SEC31B: variants seen among roughly 807,000 people sequenced by gnomAD.
The protein encoded by SEC31B is SEC31 homolog B, COPII component, also known as protein transport protein Sec31B.
A neutral mutation model predicts 135.0 loss-of-function variants in SEC31B; 113 were observed. That is an observed-to-expected ratio of 0.84 (90% confidence interval 0.72 to 0.98). SEC31B has a LOEUF of 0.98. Ranked by LOEUF, SEC31B falls within the 50% of genes least tolerant of loss-of-function variation. The pLI is 0.00. For synonymous variants in SEC31B, 508 were observed against 549.4 expected, an observed-to-expected ratio of 0.92 and a Z score of 1.05; for missense variants, 1,296 against 1,421.1, an observed-to-expected ratio of 0.91 and a Z score of 1.42.
intron 1 of SEC31B, among the ~76,000 whole-genome samples, chr10:100,518,004 CCAA>C (rs762138274): frequency 1.4e-3 from 210 of 152,280 alleles, no homozygotes; most frequent in Non-Finnish European, 2.5e-3. Context: ...CTGGAGTACT[CCAA>C]CAACCTCCCA....
At chr10:100,504,655 T>C (rs1239885900) in intron 10 of SEC31B, among the ~76,000 whole-genome samples, 3 of 152,146 alleles carry the variant, frequency 2.0e-5, no homozygotes, top group Non-Finnish European at 4.4e-5. Flanking sequence ...AACTTTAGTA[T>C]AGTTAGAATG....
At chr10:100,490,526 C>T (rs1851282526) in intron 20 of SEC31B, 180 bp downstream of exon 20, 1 of 863,484 alleles carries the variant, frequency 1.2e-6, no homozygotes, top group Non-Finnish European at 1.7e-6. Flanking sequence ...ATAAGCAACA[C>T]AACACTTTGG....
intron 14 of SEC31B, 162 bp from the exon 15 acceptor site, chr10:100,498,369 G>A (rs541883166): frequency 3.4e-5 from 25 of 735,302 alleles, no homozygotes; most frequent in Non-Finnish European, 5.2e-5. Flanking sequence ...ATGTATTTTG[G>A]TGCCCAGGTC....
intron 14 of SEC31B, 170 bp from the exon 15 acceptor site, chr10:100,498,377 G>T: frequency 1.4e-6 from 1 of 700,350 alleles, no homozygotes; most frequent in South Asian, 1.9e-5. Context: ...TGGTGCCCAG[G>T]TCTAAAGACA....
intron 17 of SEC31B, 70 bp downstream of exon 17, chr10:100,497,065 T>C (rs1199945318): frequency 6.3e-7 from 1 of 1,577,176 alleles, no homozygotes; most frequent in Non-Finnish European, 8.7e-7. Flanking sequence ...CTGCTAGCTC[T>C]GCACATCTCC....
Position 100,509,689 on chromosome 10 carries a change from T to C in SEC31B, c.204-178A>G, listed in dbSNP as rs374909450. 3.9e-5 allele frequency among the ~76,000 whole-genome samples: 6 copies of C among 152,114 alleles called. No homozygotes were observed. In the East Asian group the frequency reaches 9.6e-4, roughly 24 times the overall value. ...ATCCTCCGCCCAGTCCTGCCCTTTC[T>C]CTGAAAAAATGTTTCATCTACGTTA... On this transcript the variant is annotated intron_variant, in intron 3 of 25. Coordinates refer to ENST00000370345, the MANE Select transcript of SEC31B (RefSeq NM_015490.4).
In SEC31B at chr10:100,488,923, G is replaced by A. The variant is rs201490906; in HGVS notation, c.3223C>T (p.His1075Tyr). The A allele has an allele frequency of 3.1e-6, 5 of 1,611,760 alleles. No homozygotes were observed. The African/African-American group carries it at 4.0e-5, about 13-fold the overall frequency. Residue 1075 changes from histidine to tyrosine, a missense_variant, in exon 24 of 26, where the codon CAT (histidine) becomes TAT (tyrosine). By Grantham distance (83) the His-to-Tyr change is moderately conservative. Transcript: ENST00000370345. ...TCAAAGCTGCTCTTCAAGGACTGAT[G>A]CTCTGGGGGCAGCTCCTTCCTTTCC... is the stretch of plus-strand genomic sequence containing the variant. ...KMERKELPPE[H>Y]QSLKSSFEAL...
At chr10:100,499,950 A>G (rs1191481314) in intron 11 of SEC31B, among the ~76,000 whole-genome samples, 25 of 152,204 alleles carry the variant, frequency 1.6e-4, no homozygotes, top group Non-Finnish European at 4.4e-5. Flanking sequence ...ACCTAGAAAT[A>G]ATTAATGTGA....
Position 100,509,081 on chromosome 10 carries a change from C to G in SEC31B, c.421G>C (p.Ala141Pro). The G allele has an allele frequency of 6.2e-7, 1 of 1,614,070 alleles. No homozygotes were observed. Among genetic ancestry groups the G allele is most frequent in the Non-Finnish European group, 8.5e-7 (1 of 1,179,962 alleles). The change falls in exon 5 of 26, where the codon GCC becomes CCC. Residue 141 changes from alanine (A) to proline (P), a missense_variant. Coordinates refer to ENST00000370345, the MANE Select transcript of SEC31B (RefSeq NM_015490.4). ...CAAATGAAGATTTCAGAATCGCTGG[C>G]CCCTGAAGCCAGGAGGTTGCCCTGT... Reference protein sequence around the residue: ...PFQGNLLASGASDSEIFIWDL... With the variant: ...PFQGNLLASGPSDSEIFIWDL...
Position 100,508,066 on chromosome 10 carries a change from G to C in SEC31B, c.496-15C>G. 1.9e-6 allele frequency: 3 copies of C among 1,613,806 alleles called. No homozygotes were observed. The highest frequency in any genetic ancestry group is 2.5e-6 in the Non-Finnish European group (3 of 1,179,802). On this transcript the variant is annotated splice_polypyrimidine_tract_variant and intron_variant, in intron 5 of 25. Coordinates refer to ENST00000370345, the MANE Select transcript of SEC31B (RefSeq NM_015490.4). ...TCTGGAGGCTGCTAAGGCAGGATGG[G>C]GACAGAAAGATGACAACTTGTCACC...
chr10:100,489,758 G>A lies in SEC31B; in HGVS notation c.2969C>T (p.Pro990Leu). The A allele has an allele frequency of 6.2e-7, 1 of 1,614,092 alleles. No individual in the cohort carries two copies. Among genetic ancestry groups the A allele is most frequent in the Non-Finnish European group, 8.5e-7 (1 of 1,179,960 alleles). Residue 990 changes from proline to leucine, a missense_variant, in exon 22 of 26, where the codon CCT becomes CTT. By Grantham distance (98) the Pro-to-Leu change is moderately conservative (BLOSUM62 -3). Coordinates refer to ENST00000370345, the MANE Select transcript of SEC31B (RefSeq NM_015490.4). ...TGGGGCTTCTTTCCAGGAATCTTGAGGTCCTATAGAATAAAAAGATAGAGG... is the reference window on the plus strand; with the variant it reads ...TGGGGCTTCTTTCCAGGAATCTTGAAGTCCTATAGAATAAAAAGATAGAGG... ...TTGILTPHPG[P>L]QDSWKEAPAP...
chr10:100,499,779 C>G (rs757531540), intron 11 of SEC31B, among the ~76,000 whole-genome samples, 181 bp from the exon 12 acceptor site: 1 of 152,200 alleles, frequency 6.6e-6, no homozygotes, highest in African/African-American at 2.4e-5. Flanking sequence ...GATGGGCTAT[C>G]AGCAGTGTTA....
chr10:100,497,367 G>A, intron 16 of SEC31B, 87 bp from the exon 17 acceptor site: 4 of 1,570,656 alleles, frequency 2.5e-6, no homozygotes, highest in Non-Finnish European at 3.5e-6. Flanking sequence ...AGGACCATGA[G>A]CCTGGGACAA....
At position 100,489,778 on chromosome 10, in the gene SEC31B, T is replaced by C. The variant is rs1564647753; in HGVS notation, c.2966-17A>G. 1 of 1,613,706 alleles carries C rather than the reference T, an allele frequency of 6.2e-7. No homozygotes were observed. The stretch of plus-strand genomic sequence containing the variant: ...CTTGAGGTCCTATAGAATAAAAAGA[T>C]AGAGGTTTTTCGGCGCATAGTGAAA... On this transcript the variant is annotated splice_polypyrimidine_tract_variant and intron_variant, in intron 21 of 25. Transcript: ENST00000370345.
Position 100,507,997 on chromosome 10 carries a change from G to C in SEC31B, c.550C>G (p.Leu184Val), listed in dbSNP as rs764671612. ...LSWNRQAQHI[L>V]SSAHPSGKAV... The stretch of plus-strand genomic sequence containing the variant: ...TTGCCACTGGGGTGAGCAGAAGACA[G>C]AATGTGTTGGGCTTGCCGGTTCCAA... The change falls in exon 6 of 26, where the codon CTG becomes GTG. Residue 184 changes from leucine to valine, a missense_variant. Coordinates refer to ENST00000370345, the MANE Select transcript of SEC31B (RefSeq NM_015490.4). 50 of 1,614,238 alleles carry C rather than the reference G, an allele frequency of 3.1e-5. No individual in the cohort carries two copies. In the South Asian group the frequency reaches 5.1e-4, roughly 16 times the overall value.
At chr10:100,491,333 G>A (rs1370238459) in intron 19 of SEC31B, among the ~76,000 whole-genome samples, 1 of 152,160 alleles carries the variant, frequency 6.6e-6, no homozygotes, top group Non-Finnish European at 1.5e-5. Flanking sequence ...ACCAGTCAAA[G>A]AATTAATGCA....
intron 9 of SEC31B, 61 bp downstream of exon 9, chr10:100,505,979 C>T (rs1228010907): frequency 4.4e-6 from 7 of 1,606,092 alleles, no homozygotes; most frequent in Non-Finnish European, 6.0e-6. Flanking sequence ...AGCCATATGT[C>T]TCTCTCCCAC....
intron 22 of SEC31B, 38 bp downstream of exon 22, chr10:100,489,665 G>A (rs755587994): frequency 6.2e-7 from 1 of 1,613,984 alleles, no homozygotes; most frequent in South Asian, 1.1e-5. Flanking sequence ...GGTCATTGGT[G>A]AATGTGCGAG....
At chr10:100,491,484 C>T (rs1851298928) in intron 19 of SEC31B, among the ~76,000 whole-genome samples, 1 of 152,104 alleles carries the variant, frequency 6.6e-6, no homozygotes. Context: ...AACTTAGACA[C>T]AAAAATCCTC....
Sources: gnomAD v4.1 joint callset for allele counts (sites outside exome capture counted in the v4.1 genomes callset) on GRCh38, gnomAD v4.1.1 for gene constraint, MANE v1.5 for transcripts, NCBI Gene and HGNC (gene_info 2026-07-23, HGNC 2026-07-21) for gene names.